The following DNER variants were observed in gnomAD, a reference collection of about 807,000 sequenced individuals.
DNER encodes the protein delta and Notch-like epidermal growth factor-related receptor.
DNER carries 33 observed loss-of-function variants against 78.2 expected under a neutral mutation model. The ratio of observed to expected loss-of-function variants is 0.42; its 90% CI spans 0.32 to 0.56. The LOEUF is 0.56. DNER is among the 20% of genes least tolerant of loss of function. The probability of loss-of-function intolerance (pLI) is 0.11; values close to 1 mark genes in which losing one functional copy is unlikely to be tolerated. For synonymous variants in DNER, 417 were observed against 384.8 expected (o/e 1.08, Z -0.98); for missense variants, 918 against 975.3 (o/e 0.94, Z 0.78).
chr2:229,659,161 G>A (rs1326813313), intron 1 of DNER, among the ~76,000 whole-genome samples: 2 of 152,116 alleles, frequency 1.3e-5, no homozygotes, highest in Non-Finnish European at 2.9e-5. Context: ...CCTAAGACAC[G>A]GATGGGGCAT....
rs561876093 is a variant in DNER at position 229,357,940 on chromosome 2, G to A, written c.*600C>T. The A allele has an allele frequency of 5.2e-5, 8 of 152,648 alleles. No individual in the cohort carries two copies. The East Asian group carries it at 1.4e-3, about 26-fold the overall frequency. 9.5% of individuals were successfully genotyped at this position (152,648 alleles called of 1,614,324 possible). A position where few individuals can be genotyped will look rare whatever the true frequency, so the allele number is the denominator to read the frequency against. On this transcript the variant is annotated 3_prime_UTR_variant, in exon 13 of 13. Transcript: ENST00000341772. ...GTATGTTTTTGAGGCCTAGTTCGAC[G>A]ACTGTTACGAAAATGACAAAAACAA...
chr2:229,588,515 A>C, intron 2 of DNER, 27 bp from the exon 3 acceptor site: 4 of 1,570,422 alleles, frequency 2.5e-6, no homozygotes, highest in Non-Finnish European at 3.5e-6. Context: ...AAAACGACAT[A>C]TGATTGGGGT....
intron 8 of DNER, among the ~76,000 whole-genome samples, chr2:229,434,523 T>C (rs531703576): frequency 9.2e-5 from 14 of 152,294 alleles, no homozygotes; most frequent in Non-Finnish European, 1.8e-4. Flanking sequence ...AAATGACAAC[T>C]CAATTATATG....
intron 9 of DNER, among the ~76,000 whole-genome samples, chr2:229,415,468 C>T (rs1693628366): frequency 6.6e-6 from 1 of 152,184 alleles, no homozygotes; most frequent in Admixed American, 6.5e-5. Flanking sequence ...GTACCGGGTA[C>T]TGATTTGTTA....
chr2:229,369,160 G>A (rs1457877107), intron 11 of DNER, among the ~76,000 whole-genome samples: 1 of 151,810 alleles, frequency 6.6e-6, no homozygotes, highest in African/African-American at 2.4e-5. Context: ...TAGGAAACAT[G>A]TTTTTAAAAC....
At position 229,588,429 on chromosome 2, in the gene DNER, C is replaced by T. The variant is rs1257467615; in HGVS notation, c.645G>A (p.Leu215=). The stretch of plus-strand genomic sequence containing the variant: ...TGTTCTGTGGCACTTCAAAGGATAC[C>T]AGGCGGCCACCCGCAGAGCTGTTAG... The part of the protein sequence containing the change: ...ASSNSSAGGR[L]VSFEVPQNTS... The change falls in exon 3 of 13, where the codon CTG becomes CTA. Residue 215 remains leucine, a synonymous_variant. Coordinates refer to ENST00000341772, the MANE Select transcript of DNER (RefSeq NM_139072.4). The T allele has an allele frequency of 6.2e-7, 1 of 1,611,754 alleles. No homozygotes were observed. Among genetic ancestry groups the T allele is most frequent in the African/African-American group, 1.3e-5 (1 of 74,774 alleles).
chr2:229,393,937 C>T lies in DNER; in HGVS notation c.1724-5541G>A, dbSNP rs973340960. 3.3e-5 allele frequency among the ~76,000 whole-genome samples: 5 copies of T among 152,164 alleles called. 1 individual carries two copies. Among genetic ancestry groups the T allele is most frequent in the Non-Finnish European group, 5.9e-5 (4 of 68,036 alleles). ...TTAAGCAGTCTAACATAGATGTACTCAGAATCCTAGAGAAAGGATATGAGG... is the reference window on the plus strand; with the variant it reads ...TTAAGCAGTCTAACATAGATGTACTTAGAATCCTAGAGAAAGGATATGAGG... On this transcript the variant is annotated intron_variant, in intron 10 of 12. Transcript: ENST00000341772.
At position 229,591,656 on chromosome 2, in the gene DNER, T is replaced by C. The variant is rs779335182; in HGVS notation, c.509A>G (p.Gln170Arg). The change falls in exon 2 of 13, where the codon CAG (glutamine) becomes CGG (arginine). Residue 170 changes from glutamine (Q) to arginine (R), a missense_variant. Gln to Arg is a conservative substitution (Grantham distance 43). Transcript: ENST00000341772. This position sits in a 1 kb window ranked among gnomAD's most constrained non-coding sequence, Gnocchi z 4.6. ...QEPDKILPRS[Q>R]ATVTLPTWQP... Reference sequence around the variant, plus strand: ...CCAGGTAGGCAGTGTCACCGTTGCCTGAGAGCGAGGCAGGATTTTGTCAGG... The same window carrying C: ...CCAGGTAGGCAGTGTCACCGTTGCCCGAGAGCGAGGCAGGATTTTGTCAGG... 1.2e-5 allele frequency: 19 copies of C among 1,614,070 alleles called. No homozygotes were observed. The highest frequency in any genetic ancestry group is 2.2e-5 in the South Asian group (2 of 91,088).
intron 1 of DNER, among the ~76,000 whole-genome samples, chr2:229,673,779 C>G (rs936765675): frequency 2.0e-5 from 3 of 152,194 alleles, no homozygotes; most frequent in Non-Finnish European, 4.4e-5. Flanking sequence ...ACAGACTGAA[C>G]TGGTTTCATT....
chr2:229,407,199 A>G, intron 10 of DNER, 33 bp downstream of exon 10: 1 of 1,576,516 alleles, frequency 6.3e-7, no homozygotes. Context: ...ACTTTGTGGT[A>G]AATTTGAAAA....
At chr2:229,491,721 T>C (rs1446523155) in intron 6 of DNER, among the ~76,000 whole-genome samples, 1 of 152,124 alleles carries the variant, frequency 6.6e-6, no homozygotes, top group Non-Finnish European at 1.5e-5. Flanking sequence ...CTATCACTCC[T>C]TGATGTCTGA....
At chr2:229,528,051 C>G (rs7574020) in intron 5 of DNER, among the ~76,000 whole-genome samples, 3,917 of 152,288 alleles carry the variant, frequency 0.026, 174 homozygotes, top group African/African-American at 0.089. Context: ...GCTAATGACT[C>G]GAACTCAGAA....
intron 1 of DNER, among the ~76,000 whole-genome samples, chr2:229,712,628 C>T (rs1030465151): frequency 4.6e-5 from 7 of 152,316 alleles, no homozygotes; most frequent in Non-Finnish European, 8.8e-5. Context: ...GGAAAATTAG[C>T]GTGAGTGCAT....
chr2:229,615,427 A>T (rs79903937), intron 1 of DNER, among the ~76,000 whole-genome samples: 19 of 149,474 alleles, frequency 1.3e-4, no homozygotes, highest in Non-Finnish European at 2.1e-4. Context: ...AAAAAAAAAA[A>T]GGCCGGGCGC....
chr2:229,601,747 T>C (rs1393857205), intron 1 of DNER, among the ~76,000 whole-genome samples: 1 of 152,226 alleles, frequency 6.6e-6, no homozygotes, highest in Non-Finnish European at 1.5e-5. Flanking sequence ...GCTGTCTCTT[T>C]AAAACATACT....
At chr2:229,623,469 A>T (rs1470459903) in intron 1 of DNER, among the ~76,000 whole-genome samples, 1 of 151,800 alleles carries the variant, frequency 6.6e-6, no homozygotes, top group Non-Finnish European at 1.5e-5. Flanking sequence ...CCACCCCCAT[A>T]CCTACTTGTT....
Position 229,588,378 on chromosome 2 carries a change from C to G in DNER, c.680+16G>C. ...TAGCATCACTCTTAACAGTTTGTAA[C>G]TCAGAATTTTCTTACTTGACTGAGG... On this transcript the variant is annotated intron_variant, in intron 3 of 12. Coordinates refer to ENST00000341772, the MANE Select transcript of DNER (RefSeq NM_139072.4). 1 of 1,612,492 alleles carries G rather than the reference C, an allele frequency of 6.2e-7. No homozygotes were observed. Among genetic ancestry groups the G allele is most frequent in the South Asian group, 1.1e-5 (1 of 91,022 alleles).
At chr2:229,683,545 C>T (rs1270479882) in intron 1 of DNER, among the ~76,000 whole-genome samples, 1 of 151,776 alleles carries the variant, frequency 6.6e-6, no homozygotes, top group Non-Finnish European at 1.5e-5. Flanking sequence ...AAGGAAAGAA[C>T]AAGAAAGGAA....
chr2:229,434,667 A>T (rs866933793), intron 8 of DNER, among the ~76,000 whole-genome samples: 29 of 152,160 alleles, frequency 1.9e-4, no homozygotes, highest in African/African-American at 5.8e-4. Context: ...TTAAGATTCT[A>T]GGAGAATATA....
Sources: allele counts gnomAD v4.1 joint callset (sites outside exome capture counted in the v4.1 genomes callset), GRCh38; gene constraint gnomAD v4.1.1; non-coding constraint Gnocchi (gnomAD v3.1); transcripts MANE v1.5; gene names NCBI Gene and HGNC (gene_info 2026-07-23, HGNC 2026-07-21).